EXT2: variants seen among roughly 807,000 people sequenced by gnomAD.
The protein encoded by EXT2 is exostosin-2.
Under a neutral mutation model 81.6 loss-of-function variants are expected in EXT2, and 53 were observed. The observed-to-expected ratio is 0.65, with a 90% confidence interval of 0.52 to 0.82. EXT2 has a LOEUF of 0.82. Ranked by LOEUF, EXT2 falls within the 40% of genes least tolerant of loss-of-function variation. The probability of loss-of-function intolerance (pLI) is 0.00; values close to 1 mark genes in which losing one functional copy is unlikely to be tolerated. For missense variants in EXT2, 774 were observed against 910.2 expected (o/e 0.85, Z 1.93); for synonymous variants, 320 against 340.0 (o/e 0.94, Z 0.65).
intron 13 of EXT2, among the ~76,000 whole-genome samples, chr11:44,239,191 A>G (rs1188387384): frequency 2.0e-5 from 3 of 152,092 alleles, no homozygotes; most frequent in Non-Finnish European, 4.4e-5. Context: ...AGGAGTTGAC[A>G]AACATACCTT....
At chr11:44,237,243 A>G (rs963405344) in intron 13 of EXT2, among the ~76,000 whole-genome samples, 71 of 152,026 alleles carry the variant, frequency 4.7e-4, no homozygotes, top group Admixed American at 2.4e-3. Flanking sequence ...GAAATCTGTC[A>G]GCTATATTAG....
rs1956085807 is a variant in EXT2, at chr11:44,245,494, T to C, written c.*1207T>C. 5.5e-6 allele frequency: 1 copy of C among 180,292 alleles called. No individual in the cohort carries two copies. The highest frequency in any genetic ancestry group is 2.4e-5 in the African/African-American group (1 of 42,372). The allele number at this position is 180,292 out of a possible 1,614,324, so 11.2% of individuals were successfully genotyped here. A position where few individuals can be genotyped will look rare whatever the true frequency, so the allele number is the denominator to read the frequency against. On this transcript the variant is annotated 3_prime_UTR_variant, in exon 14 of 14. Transcript: ENST00000533608. ...CAAATCTACCCTGGCGAATGTTAAA[T>C]GTTATGGATTCGAAACAGATTTATC...
At chr11:44,119,818 G>T (rs1954290929) in intron 4 of EXT2, among the ~76,000 whole-genome samples, 2 of 152,232 alleles carry the variant, frequency 1.3e-5, no homozygotes, top group African/African-American at 4.8e-5. Context: ...GGGTGCAAAT[G>T]TCAGCAGCGC....
At chr11:44,136,280 A>C (rs934525796) in intron 7 of EXT2, among the ~76,000 whole-genome samples, 1 of 152,216 alleles carries the variant, frequency 6.6e-6, no homozygotes, top group Non-Finnish European at 1.5e-5. Context: ...GACTCAACAG[A>C]GTAGTAAGCT....
intron 7 of EXT2, chr11:44,144,196 A>C: frequency 6.6e-7 from 1 of 1,511,108 alleles, no homozygotes; most frequent in Non-Finnish European, 9.1e-7. Flanking sequence ...GCTCTTATTT[A>C]TTTATTTTTG....
chr11:44,111,923 T>C (rs1954150031), intron 3 of EXT2, among the ~76,000 whole-genome samples: 1 of 152,220 alleles, frequency 6.6e-6, no homozygotes, highest in Admixed American at 6.5e-5. Flanking sequence ...TTTTTCCATA[T>C]CACCAAATAG....
At chr11:44,183,349 T>C (rs1392014828) in intron 8 of EXT2, among the ~76,000 whole-genome samples, 1 of 152,210 alleles carries the variant, frequency 6.6e-6, no homozygotes, top group Non-Finnish European at 1.5e-5. Flanking sequence ...CCTGAATCAG[T>C]TGTTATAGTG....
At chr11:44,221,927 T>A (rs907135237) in intron 10 of EXT2, among the ~76,000 whole-genome samples, 1 of 152,136 alleles carries the variant, frequency 6.6e-6, no homozygotes, top group African/African-American at 2.4e-5. Context: ...AAAGAAAACT[T>A]GAAGGATCAG....
chr11:44,250,354 G>C lies in EXT2; in HGVS notation c.*6067G>C, dbSNP rs770410212. 3.3e-5 allele frequency among the ~76,000 whole-genome samples: 5 copies of C among 152,212 alleles called. No homozygotes were observed. Among genetic ancestry groups the C allele is most frequent in the Non-Finnish European group, 7.3e-5 (5 of 68,036 alleles). ...TCTCACAGTGACTTCCCTTGACCAT[G>C]CCTTAGTTTCCTCAGCCAGAAATTG... On this transcript the variant is annotated 3_prime_UTR_variant, in exon 14 of 14. Transcript: ENST00000533608.
chr11:44,131,149 G>A (rs1954487170), intron 7 of EXT2, among the ~76,000 whole-genome samples: 1 of 152,074 alleles, frequency 6.6e-6, no homozygotes, highest in Non-Finnish European at 1.5e-5. Context: ...CAGCTCTCTT[G>A]AGTCTATAGC....
At chr11:44,165,331 G>A (rs576839217) in intron 7 of EXT2, among the ~76,000 whole-genome samples, 1 of 152,322 alleles carries the variant, frequency 6.6e-6, no homozygotes. Flanking sequence ...TGGACAAGCA[G>A]GCTATACTAA....
rs192868292 is a variant in EXT2, at chr11:44,223,131, A to T, written c.1663-9222A>T. ...GTTAACCAAAAAAATACAAACAGCAAATGCCAATGAGAATACAGAAAAACT... is the reference window on the plus strand; with the variant it reads ...GTTAACCAAAAAAATACAAACAGCATATGCCAATGAGAATACAGAAAAACT... On this transcript the variant is annotated intron_variant, in intron 10 of 13. Coordinates refer to ENST00000533608, the MANE Select transcript of EXT2 (RefSeq NM_207122.2). 6.6e-5 allele frequency among the ~76,000 whole-genome samples: 10 copies of T among 152,366 alleles called. No individual in the cohort carries two copies. In the East Asian group the frequency reaches 1.9e-3, roughly 29 times the overall value.
chr11:44,128,355 T>C lies in EXT2; in HGVS notation c.1079+1400T>C, dbSNP rs566535547. ...CAGCTTGAAAGAGGAGAGCATGTAG[T>C]TATTCTTCATGCCTTAGAGAAGCGA... On this transcript the variant is annotated intron_variant, in intron 6 of 13. Coordinates refer to ENST00000533608, the MANE Select transcript of EXT2 (RefSeq NM_207122.2). Among the ~76,000 whole-genome samples, 81 of 152,308 alleles carry C rather than the reference T, an allele frequency of 5.3e-4. 1 individual carries two copies. The highest frequency in any genetic ancestry group is 1.9e-3 in the African/African-American group (78 of 41,568).
chr11:44,192,824 A>G (rs1274240530), intron 8 of EXT2, among the ~76,000 whole-genome samples: 1 of 152,208 alleles, frequency 6.6e-6, no homozygotes, highest in East Asian at 1.9e-4. Context: ...CTTCTTCAGA[A>G]CACAGCACAG....
intron 4 of EXT2, among the ~76,000 whole-genome samples, chr11:44,120,669 G>A (rs1004307266): frequency 2.0e-5 from 3 of 152,158 alleles, no homozygotes; most frequent in Non-Finnish European, 2.9e-5. Context: ...CATCTCTTGC[G>A]GGCTATACAG....
At chr11:44,139,046 A>G (rs1271429022) in intron 7 of EXT2, among the ~76,000 whole-genome samples, 1 of 151,940 alleles carries the variant, frequency 6.6e-6, no homozygotes, top group Admixed American at 6.6e-5. Flanking sequence ...GAAACTCGAA[A>G]GAGAATTTAT....
At chr11:44,191,426 T>C (rs1043306489) in intron 8 of EXT2, among the ~76,000 whole-genome samples, 1 of 152,268 alleles carries the variant, frequency 6.6e-6, no homozygotes, top group Non-Finnish European at 1.5e-5. Context: ...AAGGCATAGC[T>C]GCGATAGATG....
intron 8 of EXT2, among the ~76,000 whole-genome samples, chr11:44,183,397 C>A (rs1030274965): frequency 1.3e-5 from 2 of 152,158 alleles, no homozygotes; most frequent in African/African-American, 4.8e-5. Flanking sequence ...TATTCTCTAT[C>A]TTCTCAAATA....
intron 1 of EXT2, among the ~76,000 whole-genome samples, chr11:44,107,273 A>C (rs1954068277): frequency 6.6e-6 from 1 of 152,080 alleles, no homozygotes; most frequent in Non-Finnish European, 1.5e-5. Context: ...TTATTTCACC[A>C]CACCACTTAA....
Sources: allele counts gnomAD v4.1 joint callset (sites outside exome capture counted in the v4.1 genomes callset), GRCh38; gene constraint gnomAD v4.1.1; transcripts MANE v1.5; gene names NCBI Gene and HGNC (gene_info 2026-07-23, HGNC 2026-07-21).